Variants in TSC22D2 observed in about 807,000 individuals in gnomAD.
TSC22D2 encodes the protein TSC22 domain family protein 2.
TSC22D2 carries 5 observed loss-of-function variants against 50.1 expected under a neutral mutation model. That is an observed-to-expected ratio of 0.10 (90% confidence interval 0.05 to 0.21). The LOEUF (loss-of-function observed/expected upper bound fraction) is 0.21. Among genes scored for constraint, TSC22D2 ranks in the 10% least tolerant of loss-of-function variants. The pLI is 1.00. For missense variants in TSC22D2, 1,003 were observed against 1,015.5 expected (o/e 0.99, Z 0.17); for synonymous variants, 501 against 450.1 (o/e 1.11, Z -1.43).
intron 1 of TSC22D2, among the ~76,000 whole-genome samples, chr3:150,441,481 C>T (rs552194746): frequency 7.2e-5 from 11 of 152,124 alleles, no homozygotes; most frequent in African/African-American, 1.4e-4. Flanking sequence ...TATTGGAGGC[C>T]GGGCATGGTG....
chr3:150,410,397 C>G lies in TSC22D2; in HGVS notation c.1047C>G (p.Pro349=), dbSNP rs759513545. The G allele has an allele frequency of 6.2e-7, 1 of 1,607,010 alleles. No individual in the cohort carries two copies. The highest frequency in any genetic ancestry group is 1.3e-5 in the African/African-American group (1 of 74,396). Residue 349 remains proline (P), a synonymous_variant, in exon 1 of 3, where the codon CCC becomes CCG. Transcript: ENST00000688009. The stretch of plus-strand genomic sequence containing the variant: ...AGCCGGGCCCTGCAGTGGGCGCCCC[C>G]GCGGCGCAGCAGCCCCAGCAGTTCG... ...PPQPGPAVGA[P]AAQQPQQFAY...
chr3:150,421,727 C>T (rs1242895710), intron 1 of TSC22D2, among the ~76,000 whole-genome samples: 1 of 152,040 alleles, frequency 6.6e-6, no homozygotes, highest in East Asian at 1.9e-4. Context: ...CTTTAAGGCT[C>T]TTAATAGGAC....
In TSC22D2 at chr3:150,462,485, G is replaced by A. The variant is rs896112430; in HGVS notation, c.*3849G>A. On this transcript the variant is annotated 3_prime_UTR_variant, in exon 3 of 3. Coordinates refer to ENST00000688009, the MANE Select transcript of TSC22D2 (RefSeq NM_001303264.2). ...AATAATTTAGGAGGGATGACAATCC[G>A]GAAAATAAATGAAAGGGCAAAATTA... 3.9e-5 allele frequency: 6 copies of A among 152,016 alleles called. No homozygotes were observed. Among genetic ancestry groups the A allele is most frequent in the Non-Finnish European group, 5.9e-5 (4 of 68,002 alleles). The allele number at this position is 152,016 out of a possible 1,614,324, so 9.4% of individuals were successfully genotyped here.
intron 1 of TSC22D2, among the ~76,000 whole-genome samples, chr3:150,456,248 C>T (rs1039945886): frequency 1.3e-5 from 2 of 149,314 alleles, no homozygotes; most frequent in Non-Finnish European, 3.0e-5. Context: ...ATTGCAATGG[C>T]GTGATCTCGG....
At chr3:150,442,245 GCT>G (rs1167957826) in intron 1 of TSC22D2, among the ~76,000 whole-genome samples, 1 of 151,842 alleles carries the variant, frequency 6.6e-6, no homozygotes, top group Non-Finnish European at 1.5e-5. Context: ...CTAAAATCTT[GCT>G]CTGTCTTAGC....
At chr3:150,437,539 A>G (rs1720584669) in intron 1 of TSC22D2, among the ~76,000 whole-genome samples, 1 of 151,888 alleles carries the variant, frequency 6.6e-6, no homozygotes, top group African/African-American at 2.4e-5. Context: ...ATGGTGGCTC[A>G]TGCCTGTAAT....
Position 150,412,309 on chromosome 3 carries a change from CAGTT to C in TSC22D2, c.1958+1004_1958+1007del, listed in dbSNP as rs375798657. Among the ~76,000 whole-genome samples the C allele has an allele frequency of 1.4e-3, 216 of 152,230 alleles. 1 individual carries two copies. The South Asian group carries it at 0.023, about 16-fold the overall frequency. Reference sequence around the variant, plus strand: ...TATAGAAAAAGTTTCAGGAATTTCACAGTTAGACATTTCTTTGCTGGGGTTTTTG... The same window carrying C: ...TATAGAAAAAGTTTCAGGAATTTCACAGACATTTCTTTGCTGGGGTTTTTG... On this transcript the variant is annotated intron_variant, in intron 1 of 2. Transcript: ENST00000688009.
At chr3:150,416,641 G>A (rs892266783) in intron 1 of TSC22D2, among the ~76,000 whole-genome samples, 4 of 152,040 alleles carry the variant, frequency 2.6e-5, no homozygotes, top group Non-Finnish European at 5.9e-5. Context: ...TCTTAATCTG[G>A]CATTGCTTAG....
At chr3:150,438,860 C>T (rs954772072) in intron 1 of TSC22D2, among the ~76,000 whole-genome samples, 2 of 151,886 alleles carry the variant, frequency 1.3e-5, no homozygotes, top group African/African-American at 4.8e-5. Flanking sequence ...TTGAGAATAC[C>T]TAAGATGCCA....
At chr3:150,427,164 G>A (rs74845904) in intron 1 of TSC22D2, among the ~76,000 whole-genome samples, 5,874 of 152,140 alleles carry the variant, frequency 0.039, 137 homozygotes, top group Middle Eastern at 0.075. Context: ...AGCTGATCTA[G>A]TTTTTGAATG....
chr3:150,428,983 T>G (rs373557073), intron 1 of TSC22D2, among the ~76,000 whole-genome samples: 2 of 152,184 alleles, frequency 1.3e-5, no homozygotes, highest in East Asian at 3.8e-4. Context: ...TCTGGAGTTT[T>G]ATTTCCCCAA....
intron 1 of TSC22D2, among the ~76,000 whole-genome samples, chr3:150,421,541 T>G (rs1421112267): frequency 6.6e-6 from 1 of 152,198 alleles, no homozygotes; most frequent in Non-Finnish European, 1.5e-5. Flanking sequence ...TTTGATTGCC[T>G]TAGACCTAGT....
intron 1 of TSC22D2, among the ~76,000 whole-genome samples, chr3:150,422,567 G>T (rs749803601): frequency 5.3e-5 from 8 of 152,174 alleles, no homozygotes; most frequent in African/African-American, 1.9e-4. Context: ...ACCCAGGAAA[G>T]AATTCTTCAT....
chr3:150,437,808 AAAATAAAT>A (rs756029374), intron 1 of TSC22D2, among the ~76,000 whole-genome samples: 1 of 151,794 alleles, frequency 6.6e-6, no homozygotes, highest in Non-Finnish European at 1.5e-5. Context: ...ACTCCGTCTC[AAAATAAAT>A]AAATAAATAA....
chr3:150,410,229 G>T lies in TSC22D2; in HGVS notation c.879G>T (p.Pro293=). 12 of 1,571,070 alleles carry T rather than the reference G, an allele frequency of 7.6e-6. No homozygotes were observed. The highest frequency in any genetic ancestry group is 1.0e-5 in the Non-Finnish European group (12 of 1,158,766). The change falls in exon 1 of 3, where the codon CCG becomes CCT. Residue 293 remains proline (P), a synonymous_variant. Transcript: ENST00000688009. ...TGGCTCAAAGCTCGGCTCCGCTGCC[G>T]CCGTTCCCGGGAGCCGCGACCGGGC... The part of the protein sequence containing the change: ...GAVAQSSAPL[P]PFPGAATGPQ...
At chr3:150,445,496 A>C (rs1242813212) in intron 1 of TSC22D2, among the ~76,000 whole-genome samples, 5 of 152,094 alleles carry the variant, frequency 3.3e-5, no homozygotes, top group Admixed American at 2.6e-4. Flanking sequence ...GTGAAACATA[A>C]ATATAAAACC....
intron 1 of TSC22D2, among the ~76,000 whole-genome samples, chr3:150,429,300 C>A (rs541279712): frequency 6.6e-6 from 1 of 152,214 alleles, no homozygotes; most frequent in South Asian, 2.1e-4. Context: ...CAGTTATCAC[C>A]ATGCTGATGA....
chr3:150,453,254 A>G (rs1721094048), intron 1 of TSC22D2, among the ~76,000 whole-genome samples: 1 of 152,202 alleles, frequency 6.6e-6, no homozygotes, highest in African/African-American at 2.4e-5. Context: ...AAAACAAGGT[A>G]TATAGTATTA....
At chr3:150,450,105 T>C (rs997899366) in intron 1 of TSC22D2, among the ~76,000 whole-genome samples, 5 of 152,144 alleles carry the variant, frequency 3.3e-5, no homozygotes, top group African/African-American at 7.2e-5. Flanking sequence ...AAAGGGGGTC[T>C]AAGGTAGGAG....
Sources: allele counts gnomAD v4.1 joint callset (sites outside exome capture counted in the v4.1 genomes callset), GRCh38; gene constraint gnomAD v4.1.1; transcripts MANE v1.5; gene names NCBI Gene and HGNC (gene_info 2026-07-23, HGNC 2026-07-21).